PGAP4: variants seen among roughly 807,000 people sequenced by gnomAD.
PGAP4 encodes the protein post-GPI attachment to proteins GalNAc transferase 4.
Under a neutral mutation model 28.2 loss-of-function variants are expected in PGAP4, and 12 were observed. That is an observed-to-expected ratio of 0.42 (90% CI 0.27 to 0.69). PGAP4 has a LOEUF of 0.69. Among genes scored for constraint, PGAP4 ranks in the 30% least tolerant of loss-of-function variants. PGAP4 has a pLI of 0.22. For synonymous variants in PGAP4, 205 were observed against 211.8 expected, an observed-to-expected ratio of 0.97 and a Z score of 0.28; for missense variants, 425 against 513.5, an observed-to-expected ratio of 0.83 and a Z score of 1.67.
intron 2 of PGAP4, among the ~76,000 whole-genome samples, chr9:101,494,768 T>G (rs1001059564): frequency 6.6e-6 from 1 of 151,708 alleles, no homozygotes; most frequent in East Asian, 1.9e-4. Flanking sequence ...AGAATAGCCA[T>G]GGTCAAAATC....
Position 101,476,511 on chromosome 9 carries a change from G to A in PGAP4, c.582C>T (p.Cys194=), listed in dbSNP as rs1365990764. The A allele has an allele frequency of 6.2e-7, 1 of 1,614,056 alleles. No individual in the cohort carries two copies. Among genetic ancestry groups the A allele is most frequent in the East Asian group, 2.2e-5 (1 of 44,882 alleles). The change falls in exon 2 of 2, where the codon TGC becomes TGT. Residue 194 remains cysteine, a synonymous_variant. Coordinates refer to ENST00000374848, the MANE Select transcript of PGAP4 (RefSeq NM_032342.3). The surrounding 1 kb of genome is among the most constrained non-coding windows in gnomAD (Gnocchi z 7.0). The part of the protein sequence containing the change: ...FEKEKQDYVY[C]LESSLQTYNP... ...TGTAGGTCTGCAGGGATGACTCCAG[G>A]CAATAGACATAGTCCTGCTTCTCTT... is the stretch of plus-strand genomic sequence containing the variant.
chr9:101,526,650 T>A (rs1827038067), intron 2 of PGAP4, among the ~76,000 whole-genome samples: 1 of 152,162 alleles, frequency 6.6e-6, no homozygotes, highest in Non-Finnish European at 1.5e-5. Context: ...GGTTTCACCA[T>A]GTTGGCCAGG....
intron 1 of PGAP4, among the ~76,000 whole-genome samples, chr9:101,485,884 G>A (rs1826601808): frequency 6.6e-6 from 1 of 151,818 alleles, no homozygotes; most frequent in African/African-American, 2.4e-5. Context: ...ACCTCATAAA[G>A]TACCTAGTGC....
chr9:101,495,703 A>G (rs1190766266), intron 2 of PGAP4, among the ~76,000 whole-genome samples: 1 of 149,964 alleles, frequency 6.7e-6, no homozygotes, highest in African/African-American at 2.4e-5. Context: ...TAAAAGGGTT[A>G]TTTTTTTTAC....
intron 2 of PGAP4, among the ~76,000 whole-genome samples, chr9:101,524,823 C>T (rs1827020404): frequency 6.6e-6 from 1 of 152,206 alleles, no homozygotes; most frequent in Non-Finnish European, 1.5e-5. Context: ...TTTTAGGGGG[C>T]TCTCCTGGGT....
Position 101,500,479 on chromosome 9 carries a change from A to G in PGAP4, c.-164-11279T>C, listed in dbSNP as rs116534630. Among the ~76,000 whole-genome samples the G allele has an allele frequency of 6.6e-3, 997 of 151,918 alleles. 5 individuals are homozygous for G. Among genetic ancestry groups the G allele is most frequent in the African/African-American group, 0.023 (944 of 41,428 alleles). On this transcript the variant is annotated intron_variant, in intron 2 of 3. Transcript: ENST00000374851. ...TATAATGGGCCTAGCCGGATAATCCAGATAATCGCTGCATGTCAATGTTCT... is the reference window on the plus strand; with the variant it reads ...TATAATGGGCCTAGCCGGATAATCCGGATAATCGCTGCATGTCAATGTTCT...
chr9:101,511,549 G>A (rs1338525136), intron 2 of PGAP4, among the ~76,000 whole-genome samples: 1 of 152,166 alleles, frequency 6.6e-6, no homozygotes, highest in Non-Finnish European at 1.5e-5. Flanking sequence ...AAAATGAAGA[G>A]GGTTATATGG....
At chr9:101,502,552 C>T (rs1393189105) in intron 2 of PGAP4, among the ~76,000 whole-genome samples, 1 of 151,998 alleles carries the variant, frequency 6.6e-6, no homozygotes, top group Non-Finnish European at 1.5e-5. Flanking sequence ...AATGTCACCC[C>T]ACCATCCTGA....
At chr9:101,494,507 G>A (rs7850864) in intron 2 of PGAP4, among the ~76,000 whole-genome samples, 42,864 of 151,522 alleles carry the variant, frequency 0.28, 6,237 homozygotes, top group East Asian at 0.36. Flanking sequence ...AACATTATTC[G>A]TATCAATTAT....
At chr9:101,495,166 A>G in intron 2 of PGAP4, among the ~76,000 whole-genome samples, 1 of 98,246 alleles carries the variant, frequency 1.0e-5, no homozygotes, top group Non-Finnish European at 2.0e-5. Flanking sequence ...TATATTTTAT[A>G]TATATTATAT....
chr9:101,524,750 G>A (rs1158626214), intron 2 of PGAP4, among the ~76,000 whole-genome samples: 1 of 152,196 alleles, frequency 6.6e-6, no homozygotes, highest in Non-Finnish European at 1.5e-5. Context: ...CTTCTTCAGT[G>A]AGGGTATGTG....
At chr9:101,491,953 G>A (rs990286633), upstream of PGAP4, among the ~76,000 whole-genome samples, 3 of 150,934 alleles carry the variant, frequency 2.0e-5, no homozygotes, top group Admixed American at 2.0e-4. Context: ...GCAATTGTTG[G>A]GGGTAGTGTT....
At chr9:101,487,385 G>T (rs905794477), upstream of PGAP4, among the ~76,000 whole-genome samples, 2 of 152,202 alleles carry the variant, frequency 1.3e-5, no homozygotes, top group African/African-American at 2.4e-5. Flanking sequence ...GCGTGTAAAC[G>T]CTTCATGAGA....
intron 2 of PGAP4, among the ~76,000 whole-genome samples, chr9:101,517,213 A>G (rs1826950753): frequency 6.6e-6 from 1 of 152,144 alleles, no homozygotes. Flanking sequence ...ATTTCAGATG[A>G]GCTGCTGAAA....
chr9:101,523,674 C>T (rs369058929), intron 2 of PGAP4, among the ~76,000 whole-genome samples: 252 of 100,822 alleles, frequency 2.5e-3, no homozygotes, highest in African/African-American at 9.5e-3. Context: ...CATTGGGCTT[C>T]GCCTTTCTCT....
intron 1 of PGAP4, among the ~76,000 whole-genome samples, chr9:101,481,791 T>C (rs976256272): frequency 2.6e-5 from 4 of 152,218 alleles, no homozygotes; most frequent in South Asian, 2.1e-4. Flanking sequence ...AAATCCACTA[T>C]ATGAATGGCA....
rs1216079175 is a variant in PGAP4, at chr9:101,474,046, A to G, written c.*1835T>C. On this transcript the variant is annotated 3_prime_UTR_variant, in exon 2 of 2. Transcript: ENST00000374848. ...TGCCATCTTAGCTTACAGAGACATG[A>G]TCTAGTTCAGCTTATACTCAGATTT... 6.6e-6 allele frequency: 1 copy of G among 152,198 alleles called. No homozygotes were observed. Among genetic ancestry groups the G allele is most frequent in the Non-Finnish European group, 1.5e-5 (1 of 68,036 alleles). 9.4% of individuals were successfully genotyped at this position (152,198 alleles called of 1,614,324 possible).
intron 2 of PGAP4, among the ~76,000 whole-genome samples, chr9:101,502,350 T>C (rs2118594834): frequency 6.6e-6 from 1 of 152,194 alleles, no homozygotes; most frequent in African/African-American, 2.4e-5. Flanking sequence ...ATCCTAGAAG[T>C]TCCAAATGAT....
chr9:101,485,122 T>C (rs1826583814), intron 1 of PGAP4, among the ~76,000 whole-genome samples: 1 of 152,134 alleles, frequency 6.6e-6, no homozygotes, highest in Non-Finnish European at 1.5e-5. Flanking sequence ...TGTATATATA[T>C]ATCTGTTTGT....
Sources: allele counts gnomAD v4.1 joint callset (sites outside exome capture counted in the v4.1 genomes callset), GRCh38; gene constraint gnomAD v4.1.1; non-coding constraint Gnocchi (gnomAD v3.1); transcripts MANE v1.5; gene names NCBI Gene and HGNC (gene_info 2026-07-23, HGNC 2026-07-21).